The following TENM2 variants were observed in gnomAD, a reference collection of about 807,000 sequenced individuals.
TENM2 encodes teneurin-2.
In TENM2, 52 loss-of-function variants were observed where a neutral mutation model predicts 245.2. That is an observed-to-expected ratio of 0.21 (90% CI 0.17 to 0.27). The LOEUF is 0.27. TENM2 is among the 10% of genes least tolerant of loss of function. The probability of loss-of-function intolerance (pLI) is 1.00; values close to 1 mark genes in which losing one functional copy is unlikely to be tolerated. For missense variants in TENM2, 3,046 were observed against 3,666.8 expected (o/e 0.83, Z 4.37); for synonymous variants, 1,363 against 1,438.9 (o/e 0.95, Z 1.19).
chr5:167,094,967 A>T, the TENM2 span, among the ~76,000 whole-genome samples: 10 of 152,196 alleles, frequency 6.6e-5, no homozygotes, highest in Admixed American at 6.5e-4. Flanking sequence ...TGAGATACAG[A>T]AATGATGAAG....
At chr5:167,572,151 A>G (rs1774308927) in intron 2 of TENM2, among the ~76,000 whole-genome samples, 1 of 152,316 alleles carries the variant, frequency 6.6e-6, no homozygotes, top group South Asian at 2.1e-4. Flanking sequence ...CCAAGGGAAA[A>G]ACATACCCTC....
intron 2 of TENM2, among the ~76,000 whole-genome samples, chr5:167,426,004 T>A (rs911490918): frequency 9.9e-5 from 15 of 152,148 alleles, no homozygotes; most frequent in Admixed American, 5.9e-4. Flanking sequence ...TTTTTATGTA[T>A]ATCACATTCG....
Position 167,801,030 on chromosome 5 carries a change from C to T in TENM2, c.503-74956C>T, listed in dbSNP as rs375998613. Among the ~76,000 whole-genome samples, 183 of 143,482 alleles carry T rather than the reference C, an allele frequency of 1.3e-3. 4 individuals are homozygous for T. In the South Asian group the frequency reaches 0.038, roughly 30 times the overall value. The allele number at this position is 143,482 out of a possible 152,430, so 94.1% of individuals were successfully genotyped here. On this transcript the variant is annotated intron_variant, in intron 2 of 28. Coordinates refer to ENST00000518659, the Ensembl canonical transcript of TENM2. ...GCTCTCATTCCAAATTATCAGTTTT[C>T]GAATAAAGGTCTTTGACCATAGGAG...
At chr5:166,998,243 T>C in the TENM2 span, among the ~76,000 whole-genome samples, 2,602 of 152,184 alleles carry the variant, frequency 0.017, 80 homozygotes, top group African/African-American at 0.06. Flanking sequence ...AGCGAGTCCA[T>C]GATAAGATTA....
chr5:168,022,660 A>G (rs1786258412), intron 5 of TENM2, among the ~76,000 whole-genome samples: 1 of 152,200 alleles, frequency 6.6e-6, no homozygotes, highest in Non-Finnish European at 1.5e-5. Context: ...ATTTTTTGGA[A>G]ACCGGTAGAA....
intron 2 of TENM2, among the ~76,000 whole-genome samples, chr5:167,427,903 AGGGAAGGAAGGGAAGGAAGGAAGGAC>A (rs1404454980): frequency 3.2e-5 from 4 of 123,330 alleles, no homozygotes; most frequent in African/African-American, 8.6e-5. Flanking sequence ...ACGGAAAGGA[AGGGAAGGAAGGGAAGGAAGGAAGGAC>A]GGGAAGGAAG....
chr5:167,878,547 G>A (rs1773614152), intron 3 of TENM2, among the ~76,000 whole-genome samples: 1 of 149,158 alleles, frequency 6.7e-6, no homozygotes, highest in African/African-American at 2.5e-5. Flanking sequence ...AGAGCAAATC[G>A]AGTTCGAGTA....
intron 2 of TENM2, among the ~76,000 whole-genome samples, chr5:167,602,329 C>T (rs1015821720): frequency 2.0e-5 from 3 of 152,170 alleles, no homozygotes; most frequent in African/African-American, 7.2e-5. Flanking sequence ...TAACTCACTG[C>T]CTCATATGAA....
At chr5:168,023,353 C>T (rs769502109) in intron 5 of TENM2, among the ~76,000 whole-genome samples, 1 of 152,312 alleles carries the variant, frequency 6.6e-6, no homozygotes, top group South Asian at 2.1e-4. Context: ...TTCCAGGCCG[C>T]GGACTAGCAA....
intron 9 of TENM2, among the ~76,000 whole-genome samples, chr5:168,100,134 G>A (rs950116072): frequency 3.9e-5 from 6 of 152,164 alleles, no homozygotes; most frequent in Admixed American, 2.0e-4. Context: ...GGGCTGAGAC[G>A]ATGGGGTTTT....
At position 168,140,903 on chromosome 5, in the gene TENM2, G is replaced by A. The variant is rs543499358; in HGVS notation, c.2422+13937G>A. On this transcript the variant is annotated intron_variant, in intron 12 of 28. Transcript: ENST00000518659. ...TAAAATAGAGATAAGGGCCAGAGCC[G>A]TGCAGTGGAGGCCAGGGACAAGAAT... 4.6e-5 allele frequency among the ~76,000 whole-genome samples: 7 copies of A among 152,296 alleles called. No homozygotes were observed. In the East Asian group the frequency reaches 5.8e-4, roughly 13 times the overall value.
intron 7 of TENM2, among the ~76,000 whole-genome samples, chr5:168,085,851 C>T (rs1252771760): frequency 2.0e-5 from 3 of 152,202 alleles, no homozygotes; most frequent in African/African-American, 7.2e-5. Context: ...TCCCTGCAAT[C>T]CCACCAACTG....
rs143349853 is a variant in TENM2 at position 167,878,204 on chromosome 5, T to G, written c.712+2009T>G. On this transcript the variant is annotated intron_variant, in intron 3 of 28. Coordinates refer to ENST00000518659, the Ensembl canonical transcript of TENM2. ...TGATAGGGTATTTATGTCAGCTTTA[T>G]GCCTAATCAAGACCTCATTTTGGTG... 4.3e-3 allele frequency among the ~76,000 whole-genome samples: 652 copies of G among 152,320 alleles called. 3 individuals carry two copies. The highest frequency in any genetic ancestry group is 0.014 in the African/African-American group (599 of 41,574).
chr5:168,008,558 G>A (rs753009451), intron 5 of TENM2, among the ~76,000 whole-genome samples: 1 of 152,144 alleles, frequency 6.6e-6, no homozygotes, highest in Non-Finnish European at 1.5e-5. Flanking sequence ...TGAAGGCCCC[G>A]TCAATAATCA....
At chr5:168,183,812 A>AC in intron 13 of TENM2, among the ~76,000 whole-genome samples, 1 of 151,552 alleles carries the variant, frequency 6.6e-6, no homozygotes, top group East Asian at 1.9e-4. Context: ...TAAAAAAAAA[A>AC]CCCATATGAT....
chr5:167,804,834 A>G (rs1331731660), intron 2 of TENM2, among the ~76,000 whole-genome samples: 1 of 151,930 alleles, frequency 6.6e-6, no homozygotes, highest in Middle Eastern at 3.2e-3. Context: ...GCCCTAGGAG[A>G]AAAAAAAGTA....
At chr5:168,188,528 C>A (rs1760674697) in intron 13 of TENM2, among the ~76,000 whole-genome samples, 1 of 152,182 alleles carries the variant, frequency 6.6e-6, no homozygotes, top group African/African-American at 2.4e-5. Flanking sequence ...GGGAAACAGT[C>A]ATTTTATTCA....
the TENM2 span, among the ~76,000 whole-genome samples, chr5:167,077,962 C>T: frequency 6.6e-6 from 1 of 151,796 alleles, no homozygotes; most frequent in East Asian, 1.9e-4. Context: ...TGGGCAAAAT[C>T]AAGCATTTTA....
chr5:168,149,550 G>C (rs1025606579), intron 12 of TENM2: 2 of 453,810 alleles, frequency 4.4e-6, no homozygotes, highest in African/African-American at 4.0e-5. Flanking sequence ...GTGCCACATA[G>C]AGTCACAGAG....
Sources: gnomAD v4.1 joint callset for allele counts (sites outside exome capture counted in the v4.1 genomes callset) on GRCh38, gnomAD v4.1.1 for gene constraint, MANE v1.5 for transcripts, NCBI Gene and HGNC (gene_info 2026-07-23, HGNC 2026-07-21) for gene names.